Variants in DLGAP5 observed in about 807,000 individuals in gnomAD.
DLGAP5 encodes the protein DLG associated protein 5.
A neutral mutation model predicts 99.6 loss-of-function variants in DLGAP5; 90 were observed. The ratio of observed to expected loss-of-function variants is 0.90; its 90% CI spans 0.76 to 1.08. The LOEUF is 1.08. Among genes scored for constraint, DLGAP5 ranks in the 50% least tolerant of loss-of-function variants. The pLI is 0.00. For synonymous variants in DLGAP5, 311 were observed against 321.3 expected, an observed-to-expected ratio of 0.97 and a Z score of 0.34; for missense variants, 1,036 against 983.5, an observed-to-expected ratio of 1.05 and a Z score of -0.71.
chr14:55,183,803 G>A, intron 2 of DLGAP5, 50 bp from the exon 3 acceptor site: 1 of 1,416,122 alleles, frequency 7.1e-7, no homozygotes, highest in Non-Finnish European at 9.3e-7. Flanking sequence ...CATTTCAGAT[G>A]AAAAGTTATG....
chr14:55,174,129 G>A (rs531178642), intron 10 of DLGAP5, among the ~76,000 whole-genome samples: 3 of 152,318 alleles, frequency 2.0e-5, no homozygotes, highest in African/African-American at 7.2e-5. Flanking sequence ...GAACATCCCT[G>A]AGAAAGAGAA....
intron 1 of DLGAP5, among the ~76,000 whole-genome samples, chr14:55,190,120 ATT>A (rs1180070539): frequency 1.3e-5 from 2 of 152,016 alleles, no homozygotes; most frequent in African/African-American, 4.8e-5. Context: ...TTGCTCCATT[ATT>A]TTCATCCATA....
intron 2 of DLGAP5, among the ~76,000 whole-genome samples, chr14:55,188,287 A>C (rs1883492451): frequency 6.6e-6 from 1 of 152,122 alleles, no homozygotes; most frequent in Non-Finnish European, 1.5e-5. Context: ...TTGCCTTCTA[A>C]GATGCTCTAT....
At position 55,148,433 on chromosome 14, in the gene DLGAP5, C is replaced by G; in HGVS notation, c.2459G>C (p.Arg820Thr). ...NCSNPFTQLE[R>T]RHQEHARHIS... ...GTGTCTGGCATGTTCTTGATGTCTC[C>G]TCTCCAGCTGAGTAAATGGATTACT... is the stretch of plus-strand genomic sequence containing the variant. Residue 820 changes from arginine (R) to threonine (T), a missense_variant, in exon 19 of 19, where the codon AGG becomes ACG. Transcript: ENST00000247191. 1 of 1,614,182 alleles carries G rather than the reference C, an allele frequency of 6.2e-7. No homozygotes were observed. Among genetic ancestry groups the G allele is most frequent in the Non-Finnish European group, 8.5e-7 (1 of 1,180,030 alleles).
rs757389335 is a variant in DLGAP5 at position 55,175,895 on chromosome 14, T to A, written c.1173A>T (p.Glu391Asp). Residue 391 changes from glutamate (E) to aspartate (D), a missense_variant and splice_region_variant, in exon 9 of 19, where the codon GAA (glutamate) becomes GAT (aspartate). By Grantham distance (45) the Glu-to-Asp change is conservative. Coordinates refer to ENST00000247191, the MANE Select transcript of DLGAP5 (RefSeq NM_014750.5). ...GAATAAATTAATTAAATACTATACC[T>A]TCATGCCAAACAGTTAGAGGACCCA... Reference protein sequence around the residue: ...CPLGPLTVWHEEHVLNKNEAT... With the variant: ...CPLGPLTVWHDEHVLNKNEAT... 4 of 1,590,970 alleles carry A rather than the reference T, an allele frequency of 2.5e-6. No homozygotes were observed. The highest frequency in any genetic ancestry group is 3.4e-6 in the Non-Finnish European group (4 of 1,167,254).
In DLGAP5 at chr14:55,177,172, CAT is replaced by C. The variant is rs780834006; in HGVS notation, c.937_938del (p.Met313ValfsTer38). 6.2e-7 allele frequency: 1 copy of C among 1,612,724 alleles called. No individual in the cohort carries two copies. The highest frequency in any genetic ancestry group is 8.5e-7 in the Non-Finnish European group (1 of 1,179,590). On this transcript the variant is annotated frameshift_variant, in exon 8 of 19. Coordinates refer to ENST00000247191, the MANE Select transcript of DLGAP5 (RefSeq NM_014750.5). LOFTEE classifies it high-confidence loss of function. ...GKNSFAPKDFMFQPLDGLKTY... is the reference protein window; with the variant it reads ...GKNSFAPKDFXFQPLDGLKTY... ...TCTTCAGACCATCCAGTGGCTGAAACATAAAATCCTTAGGTGCAAAGGAATTC... is the reference window on the plus strand; with the variant it reads ...TCTTCAGACCATCCAGTGGCTGAAACAAAATCCTTAGGTGCAAAGGAATTC...
In DLGAP5 at chr14:55,175,813, T is replaced by C. The variant is rs1420493826; in HGVS notation, c.1174+81A>G. 3 of 1,219,290 alleles carry C rather than the reference T, an allele frequency of 2.5e-6. No homozygotes were observed. The Admixed American group carries it at 8.0e-5, about 33-fold the overall frequency. 75.5% of individuals were successfully genotyped at this position (1,219,290 alleles called of 1,614,324 possible). On this transcript the variant is annotated intron_variant, in intron 9 of 18. Transcript: ENST00000247191. ...AAGTAATAATCCAGAAAAGTAAAAA[T>C]GTAATTACTATACCTGAAAGCAAAA...
chr14:55,189,632 A>G (rs1485920672), intron 1 of DLGAP5, among the ~76,000 whole-genome samples: 72 of 152,344 alleles, frequency 4.7e-4, no homozygotes, highest in Admixed American at 4.7e-3. Flanking sequence ...TTAGTCATAT[A>G]GGGATAATCA....
chr14:55,158,500 T>C (rs746040103), intron 14 of DLGAP5, 22 bp downstream of exon 14: 2 of 1,597,022 alleles, frequency 1.3e-6, no homozygotes, highest in Admixed American at 3.5e-5. Context: ...ACAAAAAAAA[T>C]AAAAAATCAA....
rs1047609562 is a variant in DLGAP5 at position 55,175,928 on chromosome 14, T to C, written c.1140A>G (p.Pro380=). The C allele has an allele frequency of 5.6e-6, 9 of 1,609,368 alleles. No homozygotes were observed. The highest frequency in any genetic ancestry group is 2.2e-5 in the South Asian group (2 of 90,276). The change falls in exon 9 of 19, where the codon CCA becomes CCG. Residue 380 remains proline (P), a synonymous_variant. Coordinates refer to ENST00000247191, the MANE Select transcript of DLGAP5 (RefSeq NM_014750.5). ...KTIQQDSNKL[P]CPLGPLTVWH... is the part of the protein sequence containing the mutation. ...AAACAGTTAGAGGACCCAAAGGACA[T>C]GGCAATTTATTTGAATCTTGCTGTA... is the stretch of plus-strand genomic sequence containing the variant.
intron 8 of DLGAP5, 98 bp downstream of exon 8, chr14:55,176,964 C>A (rs1009624144): frequency 7.3e-5 from 75 of 1,023,998 alleles, no homozygotes; most frequent in Admixed American, 1.6e-4. Flanking sequence ...GGCGACAGAG[C>A]GAACTCCGTC....
At chr14:55,150,892 T>A (rs750819174) in intron 17 of DLGAP5, 44 bp from the exon 18 acceptor site, 3 of 1,317,958 alleles carry the variant, frequency 2.3e-6, no homozygotes, top group South Asian at 2.7e-5. Flanking sequence ...TATTCTCACA[T>A]TCGAGGGCTG....
At chr14:55,181,407 C>T in intron 4 of DLGAP5, 110 bp from the exon 5 acceptor site, 3 of 750,126 alleles carry the variant, frequency 4.0e-6, no homozygotes, top group Non-Finnish European at 6.1e-6. Flanking sequence ...CGTAAATGAC[C>T]CAACAACAAC....
chr14:55,171,374 T>C (rs570822415), intron 10 of DLGAP5, among the ~76,000 whole-genome samples: 5 of 152,256 alleles, frequency 3.3e-5, no homozygotes, highest in South Asian at 4.1e-4. Flanking sequence ...CTACGATGTA[T>C]AGGATATATA....
chr14:55,149,595 T>C (rs1233559480), intron 18 of DLGAP5, among the ~76,000 whole-genome samples: 1 of 152,216 alleles, frequency 6.6e-6, no homozygotes, highest in Admixed American at 6.5e-5. Flanking sequence ...ATTTCTCATA[T>C]TCTGAGATTA....
intron 8 of DLGAP5, 23 bp downstream of exon 8, chr14:55,177,037 CTT>C: frequency 1.2e-6 from 1 of 846,242 alleles, no homozygotes; most frequent in Non-Finnish European, 1.6e-6. Flanking sequence ...TAGCAAGAGA[CTT>C]ATTATTAAGA....
chr14:55,168,663 C>A (rs1366211781), intron 12 of DLGAP5, among the ~76,000 whole-genome samples: 1 of 152,120 alleles, frequency 6.6e-6, no homozygotes, highest in African/African-American at 2.4e-5. Context: ...AGTCACTAAT[C>A]AAATTACAAA....
intron 12 of DLGAP5, among the ~76,000 whole-genome samples, chr14:55,166,112 G>C (rs1189953490): frequency 1.3e-5 from 2 of 152,152 alleles, no homozygotes; most frequent in African/African-American, 2.4e-5. Flanking sequence ...AATATTCACA[G>C]GTTATTCATA....
At chr14:55,174,841 C>T (rs1241569694) in intron 10 of DLGAP5, among the ~76,000 whole-genome samples, 4 of 152,112 alleles carry the variant, frequency 2.6e-5, no homozygotes, top group Non-Finnish European at 5.9e-5. Flanking sequence ...CAGGCGTGCA[C>T]CACCACGCCC....
Sources: allele counts gnomAD v4.1 joint callset (sites outside exome capture counted in the v4.1 genomes callset), GRCh38; gene constraint gnomAD v4.1.1; transcripts MANE v1.5; gene names NCBI Gene and HGNC (gene_info 2026-07-23, HGNC 2026-07-21).